The following SLC38A1 variants were observed in gnomAD, a reference collection of about 807,000 sequenced individuals.
SLC38A1 encodes solute carrier family 38 member 1, also known as sodium-coupled neutral amino acid symporter 1.
Under a neutral mutation model 60.3 loss-of-function variants are expected in SLC38A1, and 18 were observed. The observed-to-expected ratio is 0.30, with a 90% CI of 0.21 to 0.44. SLC38A1 has a LOEUF of 0.44. Among genes scored for constraint, SLC38A1 ranks in the 20% least tolerant of loss-of-function variants. The pLI is 1.00. For synonymous variants in SLC38A1, 196 were observed against 212.1 expected, an observed-to-expected ratio of 0.92 and a Z score of 0.66; for missense variants, 448 against 587.2, an observed-to-expected ratio of 0.76 and a Z score of 2.45.
intron 5 of SLC38A1, among the ~76,000 whole-genome samples, chr12:46,211,129 G>A (rs1298415915): frequency 6.6e-6 from 1 of 152,166 alleles, no homozygotes; most frequent in East Asian, 1.9e-4. Context: ...TTCTTGCAGA[G>A]TTCACTTGTT....
chr12:46,202,798 C>T (rs1053709476), intron 12 of SLC38A1, among the ~76,000 whole-genome samples: 2 of 152,146 alleles, frequency 1.3e-5, no homozygotes, highest in African/African-American at 2.4e-5. Flanking sequence ...GTTTATGGCC[C>T]CCCAAAATAC....
chr12:46,206,773 C>T (rs1492891), intron 8 of SLC38A1, among the ~76,000 whole-genome samples: 80,001 of 152,032 alleles, frequency 0.53, 22,668 homozygotes, highest in African/African-American at 0.76. Context: ...ATGTAAATTT[C>T]GCCCCCAAAA....
chr12:46,236,949 G>T (rs1471649532), intron 3 of SLC38A1, among the ~76,000 whole-genome samples: 1 of 152,280 alleles, frequency 6.6e-6, no homozygotes, highest in East Asian at 1.9e-4. Flanking sequence ...GCCATTCCAG[G>T]TATAGGTTTC....
chr12:46,224,916 C>T (rs75515611), intron 5 of SLC38A1, among the ~76,000 whole-genome samples: 8,342 of 152,212 alleles, frequency 0.055, 432 homozygotes, highest in East Asian at 0.31. Context: ...TCCACTTCCC[C>T]GCTTTAATCA....
chr12:46,212,065 G>T (rs1245207644), intron 5 of SLC38A1, among the ~76,000 whole-genome samples: 1 of 152,162 alleles, frequency 6.6e-6, no homozygotes, highest in Admixed American at 6.5e-5. Flanking sequence ...TTGTCTAATT[G>T]ACTCTAATAG....
chr12:46,235,416 A>G (rs1271342559), intron 3 of SLC38A1, among the ~76,000 whole-genome samples: 1 of 152,230 alleles, frequency 6.6e-6, no homozygotes, highest in African/African-American at 2.4e-5. Context: ...ATGAAAGGGA[A>G]GAAGCAAGTA....
At chr12:46,204,159 C>A in intron 11 of SLC38A1, 142 bp downstream of exon 11, 2 of 678,660 alleles carry the variant, frequency 2.9e-6, no homozygotes, top group Non-Finnish European at 5.3e-6. Context: ...AGGATCTCTA[C>A]ATAGATGTGT....
At chr12:46,232,218 T>C (rs1194937543) in intron 3 of SLC38A1, among the ~76,000 whole-genome samples, 1 of 152,158 alleles carries the variant, frequency 6.6e-6, no homozygotes, top group African/African-American at 2.4e-5. Flanking sequence ...CCTTGGTCTC[T>C]TGAAACACAA....
chr12:46,250,742 A>G lies in SLC38A1; in HGVS notation c.-208-7428T>C, dbSNP rs1038484631. Among the ~76,000 whole-genome samples, 4 of 152,360 alleles carry G rather than the reference A, an allele frequency of 2.6e-5. No homozygotes were observed. In the East Asian group the frequency reaches 7.7e-4, roughly 29 times the overall value. ...AATCATGAGTGAACTCCCATTCACAATTGCTACAAAGAGAATAAAATACCT... is the reference window on the plus strand; with the variant it reads ...AATCATGAGTGAACTCCCATTCACAGTTGCTACAAAGAGAATAAAATACCT... On this transcript the variant is annotated intron_variant, in intron 1 of 16. Transcript: ENST00000398637.
chr12:46,261,416 G>C (rs191210980), intron 1 of SLC38A1, among the ~76,000 whole-genome samples: 1 of 152,210 alleles, frequency 6.6e-6, no homozygotes, highest in Middle Eastern at 3.4e-3. Flanking sequence ...ATTCCTTGGG[G>C]ACAAGGACCA....
intron 3 of SLC38A1, among the ~76,000 whole-genome samples, chr12:46,238,081 A>G (rs1941319215): frequency 6.6e-6 from 1 of 151,804 alleles, no homozygotes; most frequent in Non-Finnish European, 1.5e-5. Context: ...TTATTTGTAA[A>G]CGGAAACTTT....
intron 1 of SLC38A1, among the ~76,000 whole-genome samples, chr12:46,248,333 G>T (rs1017863488): frequency 5.9e-5 from 9 of 152,162 alleles, no homozygotes; most frequent in Admixed American, 2.6e-4. Context: ...ATATAGGGAT[G>T]GAGGAAGATC....
intron 1 of SLC38A1, chr12:46,267,548 C>A (rs1455944857): frequency 6.6e-6 from 1 of 152,456 alleles, no homozygotes; most frequent in Non-Finnish European, 1.5e-5. Context: ...CAAACGGTGC[C>A]CAGGCAGCCG....
chr12:46,189,492 T>C lies in SLC38A1; in HGVS notation c.1363-421A>G, dbSNP rs144906327. Among the ~76,000 whole-genome samples, 1,474 of 152,236 alleles carry C rather than the reference T, an allele frequency of 9.7e-3. 33 individuals carry two copies. The highest frequency in any genetic ancestry group is 0.034 in the African/African-American group (1,413 of 41,522). On this transcript the variant is annotated intron_variant, in intron 16 of 16. Transcript: ENST00000398637. ...ATCACTGGCAAGCAAACATTTCTGT[T>C]TGAAAAAGTGGAAAAAAAACATACA...
chr12:46,200,394 T>C (rs1939602343), intron 13 of SLC38A1, among the ~76,000 whole-genome samples: 1 of 151,618 alleles, frequency 6.6e-6, no homozygotes, highest in Non-Finnish European at 1.5e-5. Context: ...TACACACACA[T>C]ATATATACAC....
At chr12:46,202,911 TGACGTTCATTA>T in intron 12 of SLC38A1, 88 bp downstream of exon 12, 1 of 783,378 alleles carries the variant, frequency 1.3e-6, no homozygotes, top group Non-Finnish European at 2.1e-6. Flanking sequence ...ATGAATCCGC[TGACGTTCATTA>T]GACAAGTCCG....
intron 1 of SLC38A1, among the ~76,000 whole-genome samples, chr12:46,258,845 G>A (rs1942112970): frequency 6.6e-6 from 1 of 152,138 alleles, no homozygotes; most frequent in Non-Finnish European, 1.5e-5. Context: ...GTGGAGATGG[G>A]GTTTCACTAT....
chr12:46,190,291 C>A (rs772384496), intron 16 of SLC38A1, among the ~76,000 whole-genome samples: 2 of 152,124 alleles, frequency 1.3e-5, no homozygotes, highest in African/African-American at 4.8e-5. Context: ...TGGCTGCATA[C>A]GATTCCATGG....
intron 1 of SLC38A1, among the ~76,000 whole-genome samples, chr12:46,260,211 T>C (rs1293458803): frequency 6.6e-6 from 1 of 152,174 alleles, no homozygotes; most frequent in African/African-American, 2.4e-5. Context: ...TGGTCTCCTC[T>C]GCCAGATCCC....
Sources: allele counts gnomAD v4.1 joint callset (sites outside exome capture counted in the v4.1 genomes callset), GRCh38; gene constraint gnomAD v4.1.1; transcripts MANE v1.5; gene names NCBI Gene and HGNC (gene_info 2026-07-23, HGNC 2026-07-21).